The following LIN54 variants were observed in gnomAD, a reference collection of about 807,000 sequenced individuals.
LIN54 encodes the protein protein lin-54 homolog.
A neutral mutation model predicts 78.7 loss-of-function variants in LIN54; 9 were observed. The ratio of observed to expected loss-of-function variants is 0.11; its 90% CI spans 0.07 to 0.20. The LOEUF is 0.20. LIN54 is among the 10% of genes least tolerant of loss of function. The probability of loss-of-function intolerance (pLI) is 1.00; values close to 1 mark genes in which losing one functional copy is unlikely to be tolerated. For missense variants in LIN54, 573 were observed against 889.9 expected (o/e 0.64, Z 4.53); for synonymous variants, 269 against 318.4 (o/e 0.84, Z 1.65).
At chr4:83,001,598 C>A (rs1156278709) in intron 1 of LIN54, among the ~76,000 whole-genome samples, 2 of 151,346 alleles carry the variant, frequency 1.3e-5, no homozygotes, top group Non-Finnish European at 2.9e-5. Flanking sequence ...GTAATCCCAG[C>A]ACCTTGGGAG....
intron 2 of LIN54, among the ~76,000 whole-genome samples, chr4:82,981,560 T>C (rs1229849341): frequency 1.3e-5 from 2 of 152,314 alleles, no homozygotes; most frequent in East Asian, 1.9e-4. Flanking sequence ...AAAATATAGA[T>C]GCATAGTTTT....
chr4:82,987,858 T>C (rs1727309939), intron 1 of LIN54, among the ~76,000 whole-genome samples: 1 of 152,252 alleles, frequency 6.6e-6, no homozygotes. Context: ...CATGTGTCTT[T>C]ATAGTAGAAT....
rs183846307 is a variant in LIN54, at chr4:82,938,400, T to C, written c.1532+13A>G. 3 of 1,478,906 alleles carry C rather than the reference T, an allele frequency of 2.0e-6. No homozygotes were observed. In the East Asian group the frequency reaches 6.8e-5, roughly 33 times the overall value. The allele number at this position is 1,478,906 out of a possible 1,614,324, so 91.6% of individuals were successfully genotyped here. ...GATCTAACAACTTATGTACCTATTT[T>C]CAAAATACTCACCCATTGAATGGAA... On this transcript the variant is annotated intron_variant, in intron 8 of 12. Coordinates refer to ENST00000340417, the MANE Select transcript of LIN54 (RefSeq NM_194282.4).
At chr4:82,945,008 C>T (rs1382311843) in intron 5 of LIN54, among the ~76,000 whole-genome samples, 6 of 152,128 alleles carry the variant, frequency 3.9e-5, no homozygotes, top group Admixed American at 1.3e-4. Flanking sequence ...ATCACAGGCA[C>T]GCGCCATCAC....
At chr4:82,980,535 C>CA (rs1726545159) in intron 2 of LIN54, among the ~76,000 whole-genome samples, 1 of 147,762 alleles carries the variant, frequency 6.8e-6, no homozygotes, top group African/African-American at 2.5e-5. Context: ...ACATTACTGA[C>CA]AAAAACCAAC....
upstream of LIN54, chr4:83,010,896 G>GC (rs1729819428): frequency 9.2e-7 from 1 of 1,085,696 alleles, no homozygotes; most frequent in South Asian, 4.7e-5. Context: ...ATCCGGGGAA[G>GC]CCTCCCGCCG....
intron 1 of LIN54, chr4:83,003,573 CTG>C (rs1447416011): frequency 1.3e-5 from 2 of 152,120 alleles, no homozygotes; most frequent in Non-Finnish European, 2.9e-5. Flanking sequence ...GTTGCCCAGG[CTG>C]GAATGCAGTG....
At chr4:82,992,498 G>A (rs1423665856) in intron 1 of LIN54, among the ~76,000 whole-genome samples, 6 of 152,004 alleles carry the variant, frequency 3.9e-5, no homozygotes, top group Non-Finnish European at 8.8e-5. Context: ...AACATATCAA[G>A]ACCCCATCTC....
At chr4:83,010,430 C>A (rs1729771134) in intron 1 of LIN54, 54 bp downstream of exon 1, 3 of 576,984 alleles carry the variant, frequency 5.2e-6, no homozygotes, top group Non-Finnish European at 6.7e-6. Flanking sequence ...CCCATCCCCC[C>A]AAATAAAGAG....
intron 12 of LIN54, among the ~76,000 whole-genome samples, chr4:82,930,359 GC>G (rs1329075410): frequency 6.6e-6 from 1 of 152,152 alleles, no homozygotes; most frequent in Non-Finnish European, 1.5e-5. Context: ...TTATAGACAT[GC>G]CTTATTCCTC....
intron 11 of LIN54, among the ~76,000 whole-genome samples, chr4:82,932,133 C>T (rs1291910512): frequency 1.2e-4 from 16 of 130,268 alleles, no homozygotes; most frequent in African/African-American, 3.8e-4. Flanking sequence ...CTCGCTCTGT[C>T]TCCCAGGCTG....
In LIN54 at chr4:82,970,714, A is replaced by G. The variant is rs148745835; in HGVS notation, c.809-245T>C. On this transcript the variant is annotated intron_variant, in intron 3 of 12. Coordinates refer to ENST00000340417, the MANE Select transcript of LIN54 (RefSeq NM_194282.4). ...AACAGTTTAGTTCATGTGTTCATCA[A>G]TACTGTTGTTATATCCATCAGAGAG... 5.3e-5 allele frequency among the ~76,000 whole-genome samples: 8 copies of G among 152,330 alleles called. 1 individual carries two copies. The East Asian group carries it at 1.5e-3, about 29-fold the overall frequency.
intron 11 of LIN54, among the ~76,000 whole-genome samples, chr4:82,932,092 A>ATTTT (rs70943171): frequency 2.4e-5 from 3 of 124,854 alleles, no homozygotes; most frequent in East Asian, 2.2e-4. Context: ...GTGTATTTTA[A>ATTTT]TTTTTTTTTT....
At chr4:82,996,067 C>T (rs1728193219) in intron 1 of LIN54, among the ~76,000 whole-genome samples, 2 of 151,796 alleles carry the variant, frequency 1.3e-5, no homozygotes, top group African/African-American at 4.8e-5. Flanking sequence ...ATTGCTTGAA[C>T]CCGGGAGGCG....
At position 82,928,200 on chromosome 4, in the gene LIN54, C is replaced by A. The variant is rs1415377276; in HGVS notation, c.2152G>T (p.Ala718Ser). The A allele has an allele frequency of 1.9e-5, 31 of 1,614,152 alleles. No individual in the cohort carries two copies. Among genetic ancestry groups the A allele is most frequent in the Non-Finnish European group, 2.6e-5 (31 of 1,180,046 alleles). ...ADKKGKSKAA[A>S]ERMILEEFGR... Reference sequence around the variant, plus strand: ...AATTCCTCAAGTATCATCCGTTCCGCTGCTGCCTTTGATTTTCCCTTCTTG... The same window carrying A: ...AATTCCTCAAGTATCATCCGTTCCGATGCTGCCTTTGATTTTCCCTTCTTG... Residue 718 changes from alanine to serine, a missense_variant, in exon 13 of 13, where the codon GCG (alanine) becomes TCG (serine). Transcript: ENST00000340417.
At chr4:82,932,090 T>TA (rs200457625) in intron 11 of LIN54, among the ~76,000 whole-genome samples, 3 of 143,048 alleles carry the variant, frequency 2.1e-5, no homozygotes, top group East Asian at 3.1e-4. Context: ...CTGTGTATTT[T>TA]AATTTTTTTT....
At chr4:82,985,539 T>C (rs1432328628) in intron 1 of LIN54, among the ~76,000 whole-genome samples, 1 of 152,146 alleles carries the variant, frequency 6.6e-6, no homozygotes, top group Non-Finnish European at 1.5e-5. Flanking sequence ...TTTACTTACT[T>C]ACTTAATTAA....
At chr4:82,981,690 T>G (rs529702163) in intron 2 of LIN54, among the ~76,000 whole-genome samples, 1 of 152,014 alleles carries the variant, frequency 6.6e-6, no homozygotes, top group African/African-American at 2.4e-5. Flanking sequence ...CTTTTTATTG[T>G]TTTTTTTAAT....
chr4:82,963,667 T>C (rs1299537141), intron 4 of LIN54, among the ~76,000 whole-genome samples: 1 of 110,392 alleles, frequency 9.1e-6, no homozygotes, highest in East Asian at 2.6e-4. Flanking sequence ...TATATTTGAT[T>C]GTAGAGCAAC....
Sources: allele counts gnomAD v4.1 joint callset (sites outside exome capture counted in the v4.1 genomes callset), GRCh38; gene constraint gnomAD v4.1.1; transcripts MANE v1.5; gene names NCBI Gene and HGNC (gene_info 2026-07-23, HGNC 2026-07-21).